The following ASCC3 variants were observed in gnomAD, a reference collection of about 807,000 sequenced individuals.
ASCC3 encodes the protein activating signal cointegrator 1 complex subunit 3.
Under a neutral mutation model 256.3 loss-of-function variants are expected in ASCC3, and 158 were observed. The observed-to-expected ratio is 0.62, with a 90% CI of 0.54 to 0.70. The LOEUF is 0.70. Ranked by LOEUF, ASCC3 falls within the 30% of genes least tolerant of loss-of-function variation. ASCC3 has a pLI of 0.00. For missense variants in ASCC3, 2,259 were observed against 2,626.0 expected (o/e 0.86, Z 3.05); for synonymous variants, 948 against 883.4 (o/e 1.07, Z -1.30).
At chr6:100,649,911 T>TA (rs143136334) in intron 20 of ASCC3, among the ~76,000 whole-genome samples, 4,565 of 151,666 alleles carry the variant, frequency 0.03, 77 homozygotes, top group African/African-American at 0.055. Context: ...GGCTTGAATA[T>TA]AAAAACACAA....
At chr6:100,712,960 G>A (rs1207998016) in intron 13 of ASCC3, among the ~76,000 whole-genome samples, 3 of 151,644 alleles carry the variant, frequency 2.0e-5, no homozygotes, top group Non-Finnish European at 4.4e-5. Flanking sequence ...GAGTTTCACC[G>A]TGTTAGCCAG....
chr6:100,639,231 G>A (rs150254281), intron 24 of ASCC3, among the ~76,000 whole-genome samples: 2 of 152,300 alleles, frequency 1.3e-5, no homozygotes, highest in African/African-American at 4.8e-5. Context: ...GTTAGACACT[G>A]ACCAAGCAAG....
chr6:100,673,946 C>T lies in ASCC3; in HGVS notation c.2286+5672G>A, dbSNP rs141938504. Among the ~76,000 whole-genome samples, 954 of 152,222 alleles carry T rather than the reference C, an allele frequency of 6.3e-3. 8 individuals carry two copies. Among genetic ancestry groups the T allele is most frequent in the Middle Eastern group, 0.024 (7 of 294 alleles). ...TGTTCTCTTTTTTCTCTCTTTGGAA[C>T]GTCCTTTCCCTGTTGCTGCCTATTG... is the stretch of plus-strand genomic sequence containing the variant. On this transcript the variant is annotated intron_variant, in intron 14 of 41. Transcript: ENST00000369162.
At position 100,766,946 on chromosome 6, in the gene ASCC3, T is replaced by C. The variant is rs559813696; in HGVS notation, c.1596+199A>G. On this transcript the variant is annotated intron_variant, in intron 9 of 41. Transcript: ENST00000369162. ...TGAAAATTGTATAGATGTATTTTCA[T>C]AGCTTCTTACATGGTAATAGAATTT... Among the ~76,000 whole-genome samples the C allele has an allele frequency of 2.6e-5, 4 of 152,342 alleles. No individual in the cohort carries two copies. The East Asian group carries it at 5.8e-4, about 22-fold the overall frequency.
intron 27 of ASCC3, among the ~76,000 whole-genome samples, chr6:100,628,444 G>A (rs1178501390): frequency 2.6e-5 from 4 of 152,094 alleles, no homozygotes; most frequent in Non-Finnish European, 5.9e-5. Context: ...GTTGAAGGTG[G>A]GGCCTGGTAG....
At chr6:100,761,737 C>T (rs1781431837) in intron 10 of ASCC3, among the ~76,000 whole-genome samples, 1 of 152,078 alleles carries the variant, frequency 6.6e-6, no homozygotes, top group African/African-American at 2.4e-5. Flanking sequence ...TGCCCAAAAT[C>T]AGAGCTCAGA....
chr6:100,715,292 A>C (rs994650575), intron 13 of ASCC3, 170 bp downstream of exon 13: 28 of 594,682 alleles, frequency 4.7e-5, no homozygotes, highest in African/African-American at 4.7e-4. Context: ...GAATATTTTT[A>C]TGACTTACCC....
chr6:100,639,438 A>T (rs1221806721), intron 24 of ASCC3, among the ~76,000 whole-genome samples: 1 of 152,190 alleles, frequency 6.6e-6, no homozygotes, highest in Non-Finnish European at 1.5e-5. Context: ...AAACAAAATA[A>T]TTTAGAGAAA....
Position 100,643,925 on chromosome 6 carries a change from A to G in ASCC3, c.3732+106T>C, listed in dbSNP as rs939859607. On this transcript the variant is annotated intron_variant, in intron 23 of 41. Transcript: ENST00000369162. ...CTAATAGGAAACTAAAACATAAAATAAAGTTTTAATTGTACTATAAAATTA... is the reference window on the plus strand; with the variant it reads ...CTAATAGGAAACTAAAACATAAAATGAAGTTTTAATTGTACTATAAAATTA... 13 of 741,908 alleles carry G rather than the reference A, an allele frequency of 1.8e-5. No individual in the cohort carries two copies. In the African/African-American group the frequency reaches 1.8e-4, roughly 10 times the overall value. The allele number at this position is 741,908 out of a possible 1,614,324, so 46.0% of individuals were successfully genotyped here. A position where few individuals can be genotyped will look rare whatever the true frequency, so the allele number is the denominator to read the frequency against.
At chr6:100,742,255 T>C (rs1358055489) in intron 10 of ASCC3, among the ~76,000 whole-genome samples, 1 of 152,134 alleles carries the variant, frequency 6.6e-6, no homozygotes. Flanking sequence ...GGAAGCTCCA[T>C]CCCAGGGGGT....
intron 10 of ASCC3, among the ~76,000 whole-genome samples, chr6:100,755,010 T>C (rs1781110254): frequency 6.6e-6 from 1 of 152,126 alleles, no homozygotes; most frequent in Non-Finnish European, 1.5e-5. Flanking sequence ...AACCTCTTTT[T>C]CTTTATAAAT....
intron 3 of ASCC3, chr6:100,856,808 T>C (rs1438247014): frequency 6.6e-6 from 1 of 152,184 alleles, no homozygotes; most frequent in East Asian, 1.9e-4. Context: ...GTTACTGCTA[T>C]AAGGCAGTCT....
chr6:100,696,623 C>T (rs190916414), intron 13 of ASCC3, among the ~76,000 whole-genome samples: 4 of 151,838 alleles, frequency 2.6e-5, no homozygotes, highest in Admixed American at 2.6e-4. Flanking sequence ...TAAAATACTC[C>T]CAATGGATGT....
chr6:100,608,049 T>TATAC (rs1772997437), intron 30 of ASCC3, among the ~76,000 whole-genome samples: 1 of 136,288 alleles, frequency 7.3e-6, no homozygotes, highest in East Asian at 2.1e-4. Flanking sequence ...TACATACATA[T>TATAC]ACATATATAC....
At chr6:100,561,005 A>G (rs1295308951) in intron 36 of ASCC3, among the ~76,000 whole-genome samples, 1 of 151,988 alleles carries the variant, frequency 6.6e-6, no homozygotes, top group African/African-American at 2.4e-5. Context: ...TCAGGTATAT[A>G]TGCATTTCCA....
chr6:100,876,197 T>C (rs1166315429), intron 1 of ASCC3, among the ~76,000 whole-genome samples: 1 of 152,118 alleles, frequency 6.6e-6, no homozygotes, highest in African/African-American at 2.4e-5. Flanking sequence ...ATAACATGGT[T>C]AAGCAGAGGG....
intron 36 of ASCC3, among the ~76,000 whole-genome samples, chr6:100,587,105 CAG>C (rs1486972528): frequency 6.6e-6 from 1 of 152,034 alleles, no homozygotes; most frequent in African/African-American, 2.4e-5. Flanking sequence ...ATAATGGAAA[CAG>C]ATCTTTGAAA....
intron 36 of ASCC3, among the ~76,000 whole-genome samples, chr6:100,559,644 G>A (rs1340146654): frequency 2.0e-5 from 3 of 152,274 alleles, no homozygotes; most frequent in Admixed American, 6.5e-5. Context: ...GAGGTCAGGA[G>A]TTTAAGACCA....
intron 4 of ASCC3, among the ~76,000 whole-genome samples, chr6:100,817,832 T>C (rs1562318554): frequency 6.6e-6 from 1 of 152,062 alleles, no homozygotes; most frequent in South Asian, 2.1e-4. Context: ...TGAATTCCAC[T>C]AAATATTTAA....
Sources: allele counts gnomAD v4.1 joint callset (sites outside exome capture counted in the v4.1 genomes callset), GRCh38; gene constraint gnomAD v4.1.1; transcripts MANE v1.5; gene names NCBI Gene and HGNC (gene_info 2026-07-23, HGNC 2026-07-21).